The following C12orf75 variants were observed in gnomAD, a reference collection of about 807,000 sequenced individuals.
The protein encoded by C12orf75 is overexpressed in colon carcinoma 1 protein.
Under a neutral mutation model 11.4 loss-of-function variants are expected in C12orf75, and 4 were observed. That is an observed-to-expected ratio of 0.35 (90% CI 0.17 to 0.80). The LOEUF (loss-of-function observed/expected upper bound fraction) is 0.80. C12orf75 is among the 30% of genes least tolerant of loss of function. The probability of loss-of-function intolerance (pLI) is 0.52; values close to 1 mark genes in which losing one functional copy is unlikely to be tolerated. For missense variants in C12orf75, 89 were observed against 80.4 expected (o/e 1.11, Z -0.41); for synonymous variants, 30 against 30.0 (o/e 1.00, Z 0.00).
intron 2 of C12orf75, 59 bp downstream of exon 2, chr12:105,348,685 C>A: frequency 8.4e-7 from 1 of 1,185,264 alleles, no homozygotes; most frequent in Middle Eastern, 1.9e-4. Flanking sequence ...TGCTGTTTTT[C>A]ATGATTATGA....
chr12:105,346,937 T>C (rs1450565081), intron 1 of C12orf75, among the ~76,000 whole-genome samples: 2 of 152,250 alleles, frequency 1.3e-5, no homozygotes, highest in Non-Finnish European at 2.9e-5. Flanking sequence ...TAACTTAGTT[T>C]GCTATTTTTA....
intron 2 of C12orf75, among the ~76,000 whole-genome samples, chr12:105,352,586 G>T (rs1242964610): frequency 6.6e-6 from 1 of 151,944 alleles, no homozygotes; most frequent in East Asian, 1.9e-4. Context: ...GGTTGATTTT[G>T]TGTATTGAAG....
intron 2 of C12orf75, among the ~76,000 whole-genome samples, chr12:105,353,997 G>T (rs961094711): frequency 3.3e-5 from 5 of 152,194 alleles, no homozygotes; most frequent in Non-Finnish European, 7.3e-5. Context: ...AATCTTTTAT[G>T]TTGAGTTTCT....
At chr12:105,332,393 G>C (rs1217920306) in intron 1 of C12orf75, among the ~76,000 whole-genome samples, 1 of 152,160 alleles carries the variant, frequency 6.6e-6, no homozygotes, top group African/African-American at 2.4e-5. Context: ...TGAACTGCTT[G>C]TCAGTTTTAG....
At chr12:105,333,140 TGATG>T (rs760513805) in intron 1 of C12orf75, among the ~76,000 whole-genome samples, 3 of 152,210 alleles carry the variant, frequency 2.0e-5, no homozygotes, top group Non-Finnish European at 2.9e-5. Flanking sequence ...ATCACCTCTT[TGATG>T]GATATGCCCT....
At chr12:105,336,673 G>A (rs764378764) in intron 1 of C12orf75, among the ~76,000 whole-genome samples, 5 of 152,178 alleles carry the variant, frequency 3.3e-5, no homozygotes, top group Non-Finnish European at 2.9e-5. Flanking sequence ...TCACAGATAC[G>A]TGGAAGACAG....
At chr12:105,341,466 T>C (rs563606757) in intron 1 of C12orf75, among the ~76,000 whole-genome samples, 1 of 152,334 alleles carries the variant, frequency 6.6e-6, no homozygotes, top group South Asian at 2.1e-4. Context: ...AATATTGCGC[T>C]TCCAGGTTGC....
At chr12:105,366,214 A>G (rs1488093295) in intron 3 of C12orf75, 1 of 299,976 alleles carries the variant, frequency 3.3e-6, no homozygotes. Flanking sequence ...CTCATTTTGT[A>G]TCTCTCTATT....
intron 2 of C12orf75, among the ~76,000 whole-genome samples, chr12:105,353,029 T>C (rs1304398373): frequency 1.3e-5 from 2 of 152,176 alleles, no homozygotes; most frequent in Non-Finnish European, 2.9e-5. Flanking sequence ...GTTCTTATTT[T>C]AGTGTGGCAG....
Position 105,367,453 on chromosome 12 carries a change from T to C in C12orf75, c.188-19T>C. 1 of 801,856 alleles carries C rather than the reference T, an allele frequency of 1.2e-6. No individual in the cohort carries two copies. 49.7% of individuals were successfully genotyped at this position (801,856 alleles called of 1,614,324 possible). On this transcript the variant is annotated intron_variant, in intron 4 of 5. Coordinates refer to ENST00000443585, the MANE Select transcript of C12orf75 (RefSeq NM_001145199.2). Reference sequence around the variant, plus strand: ...ATTTATAATCTGAACATTTAACTTTTCTTAATTTTCTCTTTAAGATTAGAA... The same window carrying C: ...ATTTATAATCTGAACATTTAACTTTCCTTAATTTTCTCTTTAAGATTAGAA...
chr12:105,361,694 C>T (rs1018853218), intron 2 of C12orf75, among the ~76,000 whole-genome samples: 1 of 152,126 alleles, frequency 6.6e-6, no homozygotes, highest in Non-Finnish European at 1.5e-5. Flanking sequence ...CTTCCTTACG[C>T]TAAAGCTTGT....
chr12:105,354,072 A>C (rs576201101), intron 2 of C12orf75, among the ~76,000 whole-genome samples: 1 of 152,212 alleles, frequency 6.6e-6, no homozygotes. Context: ...TCTGCTCCTC[A>C]TAGATACAGA....
At chr12:105,331,055 G>T in intron 1 of C12orf75, 118 bp downstream of exon 1, 1 of 602,538 alleles carries the variant, frequency 1.7e-6, no homozygotes, top group Non-Finnish European at 2.4e-6. Flanking sequence ...CCATTTTCGG[G>T]ACAGGAGCAG....
In C12orf75 at chr12:105,330,740, C is replaced by G; in HGVS notation, c.-152C>G. 1 of 724,932 alleles carries G rather than the reference C, an allele frequency of 1.4e-6. No homozygotes were observed. The highest frequency in any genetic ancestry group is 1.8e-6 in the Non-Finnish European group (1 of 545,540). 44.9% of individuals were successfully genotyped at this position (724,932 alleles called of 1,614,324 possible). A position where few individuals can be genotyped will look rare whatever the true frequency, so the allele number is the denominator to read the frequency against. On this transcript the variant is annotated 5_prime_UTR_variant, in exon 1 of 6. Coordinates refer to ENST00000443585, the MANE Select transcript of C12orf75 (RefSeq NM_001145199.2). ...CCGCTGCGCCCCGGGCCGCGTCTCC[C>G]GGCGGTGGGAGGGGGCGGCCCCCAC...
chr12:105,343,279 C>G (rs1192531379), intron 1 of C12orf75, among the ~76,000 whole-genome samples: 1 of 152,054 alleles, frequency 6.6e-6, no homozygotes, highest in Non-Finnish European at 1.5e-5. Context: ...TCTACTTCTC[C>G]TGAGGCCCTA....
At chr12:105,366,476 G>T (rs1871475983) in intron 3 of C12orf75, 141 bp from the exon 4 acceptor site, 1 of 423,750 alleles carries the variant, frequency 2.4e-6, no homozygotes, top group Non-Finnish European at 4.2e-6. Context: ...TATTCCCAAG[G>T]GCCATAATAT....
chr12:105,363,690 A>C (rs978558467), intron 2 of C12orf75, among the ~76,000 whole-genome samples: 7 of 151,464 alleles, frequency 4.6e-5, no homozygotes, highest in Non-Finnish European at 7.4e-5. Context: ...GTGCCACTGC[A>C]CTCCAGGCTG....
chr12:105,366,670 C>T lies in C12orf75; in HGVS notation c.161C>T (p.Ser54Phe). 1 of 1,539,926 alleles carries T rather than the reference C, an allele frequency of 6.5e-7. No homozygotes were observed. The highest frequency in any genetic ancestry group is 8.8e-7 in the Non-Finnish European group (1 of 1,136,826). Residue 54 changes from serine (S) to phenylalanine (F), a missense_variant, in exon 4 of 6, where the codon TCC becomes TTC. Coordinates refer to ENST00000443585, the MANE Select transcript of C12orf75 (RefSeq NM_001145199.2). ...CCATCTGAAGCTGTCAATATGGTGT[C>T]CAGTCAAACAAAGACGGTTCGGAAA... Reference protein sequence around the residue: ...GLPSEAVNMVSSQTKTVRKN With the variant: ...GLPSEAVNMVFSQTKTVRKN
intron 1 of C12orf75, among the ~76,000 whole-genome samples, chr12:105,337,774 G>A (rs1020578668): frequency 6.6e-6 from 1 of 152,056 alleles, no homozygotes; most frequent in Admixed American, 6.5e-5. Context: ...AAACAATAGC[G>A]GGTCATTGTT....
Sources: gnomAD v4.1 joint callset for allele counts (sites outside exome capture counted in the v4.1 genomes callset) on GRCh38, gnomAD v4.1.1 for gene constraint, MANE v1.5 for transcripts, NCBI Gene and HGNC (gene_info 2026-07-23, HGNC 2026-07-21) for gene names.